FER1L6: variants seen among roughly 807,000 people sequenced by gnomAD.
FER1L6 encodes fer-1-like protein 6.
FER1L6 carries 177 observed loss-of-function variants against 219.2 expected under a neutral mutation model. The observed-to-expected ratio is 0.81, with a 90% CI of 0.71 to 0.91. FER1L6 has a LOEUF of 0.91. Ranked by LOEUF, FER1L6 falls within the 40% of genes least tolerant of loss-of-function variation. The probability of loss-of-function intolerance (pLI) is 0.00; values close to 1 mark genes in which losing one functional copy is unlikely to be tolerated. For synonymous variants in FER1L6, 768 were observed against 824.3 expected (o/e 0.93, Z 1.17); for missense variants, 2,153 against 2,259.9 (o/e 0.95, Z 0.96).
intron 1 of FER1L6, among the ~76,000 whole-genome samples, chr8:123,860,053 A>C (rs1434993848): frequency 6.9e-6 from 1 of 143,960 alleles, no homozygotes; most frequent in Non-Finnish European, 1.5e-5. Context: ...ATATGTATAC[A>C]TGTGCCATGC....
chr8:124,119,881 T>G lies in FER1L6; in HGVS notation c.*91T>G, dbSNP rs1030502198. Reference sequence around the variant, plus strand: ...AGAACATGTCCCATGCATGGCACTGTGCTGAGTGCTAAGGGGACAGATCAA... The same window carrying G: ...AGAACATGTCCCATGCATGGCACTGGGCTGAGTGCTAAGGGGACAGATCAA... On this transcript the variant is annotated 3_prime_UTR_variant, in exon 41 of 41. Coordinates refer to ENST00000522917, the MANE Select transcript of FER1L6 (RefSeq NM_001039112.2). 1 of 1,348,364 alleles carries G rather than the reference T, an allele frequency of 7.4e-7. No individual in the cohort carries two copies. Among genetic ancestry groups the G allele is most frequent in the Non-Finnish European group, 1.0e-6 (1 of 977,076 alleles). The allele number at this position is 1,348,364 out of a possible 1,614,324, so 83.5% of individuals were successfully genotyped here.
chr8:123,868,643 C>T (rs79613512), intron 1 of FER1L6, among the ~76,000 whole-genome samples: 6,442 of 152,248 alleles, frequency 0.042, 216 homozygotes, highest in Non-Finnish European at 0.067. Context: ...AGCAGCCCTC[C>T]CTGCAGACCT....
intron 12 of FER1L6, among the ~76,000 whole-genome samples, chr8:123,987,726 A>G (rs566502902): frequency 2.0e-5 from 3 of 152,250 alleles, no homozygotes; most frequent in African/African-American, 7.2e-5. Context: ...GTCTAGTTTC[A>G]TTCTTCTTTA....
At chr8:123,957,969 G>T (rs544416327) in intron 2 of FER1L6, among the ~76,000 whole-genome samples, 2 of 152,166 alleles carry the variant, frequency 1.3e-5, no homozygotes. Flanking sequence ...GCTGTTTGGG[G>T]TGAAATGTTT....
chr8:123,995,454 T>C (rs1014014041), intron 12 of FER1L6, among the ~76,000 whole-genome samples: 1 of 152,202 alleles, frequency 6.6e-6, no homozygotes, highest in African/African-American at 2.4e-5. Flanking sequence ...TTCCAATGTA[T>C]TGGCACATAG....
At chr8:124,058,074 T>C (rs1451109682) in intron 22 of FER1L6, among the ~76,000 whole-genome samples, 1 of 152,212 alleles carries the variant, frequency 6.6e-6, no homozygotes, top group Non-Finnish European at 1.5e-5. Flanking sequence ...TAGTAAGTGA[T>C]AGAGCCCAAG....
At chr8:123,889,885 A>G (rs1812608629) in intron 1 of FER1L6, among the ~76,000 whole-genome samples, 2 of 152,070 alleles carry the variant, frequency 1.3e-5, no homozygotes, top group Admixed American at 1.3e-4. Flanking sequence ...TGGTCTGCGT[A>G]AGTCATATGT....
At chr8:123,882,757 G>A (rs1440566816) in intron 1 of FER1L6, among the ~76,000 whole-genome samples, 1 of 152,034 alleles carries the variant, frequency 6.6e-6, no homozygotes, top group Non-Finnish European at 1.5e-5. Context: ...GAGTACGGAG[G>A]ATTTTTAGGG....
In FER1L6 at chr8:124,091,422, G is replaced by C; in HGVS notation, c.4392-1G>C. 6.2e-7 allele frequency: 1 copy of C among 1,613,384 alleles called. No homozygotes were observed. Among genetic ancestry groups the C allele is most frequent in the Non-Finnish European group, 8.5e-7 (1 of 1,179,568 alleles). ...AAGTGTGTTCTCCCTCCACTTTTCA[G>C]AGAAGGATACAATGCCTGGAGAGAC... On this transcript the variant is annotated splice_acceptor_variant, in intron 33 of 40. Transcript: ENST00000522917. LOFTEE classifies it high-confidence loss of function.
chr8:123,913,943 G>A (rs889565757), intron 1 of FER1L6, among the ~76,000 whole-genome samples: 6 of 152,220 alleles, frequency 3.9e-5, no homozygotes, highest in Admixed American at 6.5e-5. Flanking sequence ...GAAAGGTCTG[G>A]ATACATCTTC....
At chr8:123,855,513 G>A (rs1490635313) in intron 1 of FER1L6, among the ~76,000 whole-genome samples, 1 of 151,324 alleles carries the variant, frequency 6.6e-6, no homozygotes, top group Non-Finnish European at 1.5e-5. Context: ...AGTATGGAAT[G>A]GGAAAAAGGG....
chr8:123,866,382 A>G (rs1586428786), intron 1 of FER1L6, among the ~76,000 whole-genome samples: 1 of 151,896 alleles, frequency 6.6e-6, no homozygotes, highest in Non-Finnish European at 1.5e-5. Flanking sequence ...TTCTTTACCC[A>G]TTCATCCTTT....
At chr8:123,936,123 GT>G (rs796825044) in intron 1 of FER1L6, among the ~76,000 whole-genome samples, 15 of 152,196 alleles carry the variant, frequency 9.9e-5, no homozygotes, top group African/African-American at 3.6e-4. Flanking sequence ...TAACCTCTCG[GT>G]CAGATGCATG....
At chr8:123,993,441 CA>C (rs758672519) in intron 12 of FER1L6, among the ~76,000 whole-genome samples, 180 of 52,272 alleles carry the variant, frequency 3.4e-3, no homozygotes, top group Middle Eastern at 9.6e-3. Flanking sequence ...GACTCCGTCT[CA>C]AAAAAAAAAA....
rs1816525426 is a variant in FER1L6, at chr8:123,852,330, C to A, written c.-8+145C>A. 1 of 152,260 alleles carries A rather than the reference C, an allele frequency of 6.6e-6. No individual in the cohort carries two copies. Among genetic ancestry groups the A allele is most frequent in the African/African-American group, 2.4e-5 (1 of 41,440 alleles). 9.4% of individuals were successfully genotyped at this position (152,260 alleles called of 1,614,324 possible). A position where few individuals can be genotyped will look rare whatever the true frequency, so the allele number is the denominator to read the frequency against. ...GCAGTCCAATGTAATCAACCTGCCT[C>A]CAGGTAGCTGGCTGGTCACCCCAGG... On this transcript the variant is annotated intron_variant, in intron 1 of 40. Coordinates refer to ENST00000522917, the MANE Select transcript of FER1L6 (RefSeq NM_001039112.2). This position sits in a 1 kb window ranked among gnomAD's most constrained non-coding sequence, Gnocchi z 4.9.
At chr8:123,915,671 AT>A (rs1311754851) in intron 1 of FER1L6, among the ~76,000 whole-genome samples, 1 of 152,220 alleles carries the variant, frequency 6.6e-6, no homozygotes, top group Non-Finnish European at 1.5e-5. Flanking sequence ...GAAACAGACA[AT>A]CAAAATTTGA....
intron 39 of FER1L6, among the ~76,000 whole-genome samples, chr8:124,110,890 C>G (rs1554649286): frequency 6.6e-6 from 1 of 152,108 alleles, no homozygotes; most frequent in Non-Finnish European, 1.5e-5. Context: ...AGTGCCCCCC[C>G]TCCCCTCCAG....
intron 1 of FER1L6, among the ~76,000 whole-genome samples, chr8:123,884,505 G>A (rs16898996): frequency 0.028 from 4,232 of 152,298 alleles, 203 homozygotes; most frequent in African/African-American, 0.096. Flanking sequence ...CCACAGTGCA[G>A]GCTGTTTTGG....
chr8:124,112,175 C>T (rs1823048736), intron 39 of FER1L6, among the ~76,000 whole-genome samples: 1 of 152,174 alleles, frequency 6.6e-6, no homozygotes, highest in African/African-American at 2.4e-5. Flanking sequence ...ACTCCGTGTG[C>T]ACTCTCCTCC....
Sources: allele counts gnomAD v4.1 joint callset (sites outside exome capture counted in the v4.1 genomes callset), GRCh38; gene constraint gnomAD v4.1.1; non-coding constraint Gnocchi (gnomAD v3.1); transcripts MANE v1.5; gene names NCBI Gene and HGNC (gene_info 2026-07-23, HGNC 2026-07-21).